The following LPP variants were observed in gnomAD, a reference collection of about 807,000 sequenced individuals.
LPP encodes the protein LIM domain containing preferred translocation partner in lipoma.
A neutral mutation model predicts 60.4 loss-of-function variants in LPP; 38 were observed. The ratio of observed to expected loss-of-function variants is 0.63; its 90% CI spans 0.49 to 0.83. The LOEUF is 0.83. LPP is among the 40% of genes least tolerant of loss of function. The pLI is 0.00. For missense variants in LPP, 902 were observed against 783.6 expected (o/e 1.15, Z -1.80); for synonymous variants, 328 against 290.8 (o/e 1.13, Z -1.30).
intron 2 of LPP, among the ~76,000 whole-genome samples, chr3:188,257,077 C>A (rs1731914691): frequency 6.6e-6 from 1 of 152,140 alleles, no homozygotes; most frequent in Admixed American, 6.6e-5. Context: ...CGTGGTGAAG[C>A]CTGATCATGT....
At chr3:188,273,727 C>G (rs1738663644) in intron 2 of LPP, among the ~76,000 whole-genome samples, 1 of 149,690 alleles carries the variant, frequency 6.7e-6, no homozygotes, top group Admixed American at 6.8e-5. Context: ...TCCCTAGTAG[C>G]TGGGGTTACA....
chr3:188,330,518 C>T (rs1383258955), intron 2 of LPP, among the ~76,000 whole-genome samples: 1 of 152,118 alleles, frequency 6.6e-6, no homozygotes, highest in Non-Finnish European at 1.5e-5. Context: ...TCATGTCTTT[C>T]TTTCCTATCC....
intron 8 of LPP, among the ~76,000 whole-genome samples, chr3:188,752,483 A>T (rs949334205): frequency 1.3e-5 from 2 of 152,142 alleles, no homozygotes; most frequent in African/African-American, 4.8e-5. Flanking sequence ...CATGTATTAT[A>T]CTCGAAAATG....
chr3:188,761,470 A>G (rs1050446034), intron 9 of LPP, among the ~76,000 whole-genome samples: 2 of 152,152 alleles, frequency 1.3e-5, no homozygotes, highest in African/African-American at 4.8e-5. Flanking sequence ...ATTTCTTTCC[A>G]AAGGTAGCTT....
At chr3:188,526,067 T>C (rs1458471545) in intron 6 of LPP, among the ~76,000 whole-genome samples, 1 of 152,200 alleles carries the variant, frequency 6.6e-6, no homozygotes, top group African/African-American at 2.4e-5. Flanking sequence ...AGAATTGTAG[T>C]TGCAAACGCT....
At chr3:188,764,666 T>C (rs564109954) in intron 9 of LPP, among the ~76,000 whole-genome samples, 5 of 152,294 alleles carry the variant, frequency 3.3e-5, no homozygotes, top group Non-Finnish European at 5.9e-5. Flanking sequence ...TACTCATAAG[T>C]ATAGTTTTAG....
At chr3:188,726,230 G>T (rs959140189) in intron 8 of LPP, among the ~76,000 whole-genome samples, 3 of 152,110 alleles carry the variant, frequency 2.0e-5, no homozygotes, top group Non-Finnish European at 4.4e-5. Context: ...GGGAATAAGG[G>T]CTGGAACCAA....
chr3:188,770,067 A>G lies in LPP; in HGVS notation c.1410+9785A>G, dbSNP rs539959185. On this transcript the variant is annotated intron_variant, in intron 9 of 11. Coordinates refer to ENST00000617246, the MANE Select transcript of LPP (RefSeq NM_001375462.1). ...TTATACACTTCATTAGGCTGAGTGA[A>G]TTGTTGGCAGTGGTTCAGTAAACTT... is the stretch of plus-strand genomic sequence containing the variant. 2.0e-4 allele frequency among the ~76,000 whole-genome samples: 31 copies of G among 151,882 alleles called. 1 individual carries two copies. In the South Asian group the frequency reaches 6.3e-3, roughly 31 times the overall value.
At chr3:188,779,307 T>C (rs1738843847) in intron 9 of LPP, among the ~76,000 whole-genome samples, 1 of 152,154 alleles carries the variant, frequency 6.6e-6, no homozygotes, top group Non-Finnish European at 1.5e-5. Context: ...GTGGATGCTA[T>C]GGACCATGGA....
intron 4 of LPP, among the ~76,000 whole-genome samples, chr3:188,412,738 G>A (rs563582691): frequency 6.6e-6 from 1 of 152,072 alleles, no homozygotes; most frequent in African/African-American, 2.4e-5. Flanking sequence ...AACCAGCTTT[G>A]TGAATATTGG....
At chr3:188,171,157 T>G (rs1022842591) in intron 1 of LPP, among the ~76,000 whole-genome samples, 2 of 152,200 alleles carry the variant, frequency 1.3e-5, no homozygotes, top group Admixed American at 6.5e-5. Flanking sequence ...GCCTTTTAAC[T>G]AGAAAATGTT....
At chr3:188,546,565 T>G (rs1826708869) in intron 6 of LPP, among the ~76,000 whole-genome samples, 1 of 152,168 alleles carries the variant, frequency 6.6e-6, no homozygotes, top group South Asian at 2.1e-4. Flanking sequence ...GATTTTGCCT[T>G]TAATTTAATA....
At chr3:188,501,773 C>T (rs373151180) in intron 5 of LPP, among the ~76,000 whole-genome samples, 18 of 151,534 alleles carry the variant, frequency 1.2e-4, no homozygotes, top group South Asian at 2.1e-4. Context: ...AAATATTAGC[C>T]GGGCGTGGTG....
At chr3:188,521,669 C>A (rs1818910920) in intron 5 of LPP, among the ~76,000 whole-genome samples, 1 of 152,084 alleles carries the variant, frequency 6.6e-6, no homozygotes, top group South Asian at 2.1e-4. Flanking sequence ...ATAATTATAG[C>A]ACTTTACAAC....
chr3:188,488,020 C>CT (rs5855202), intron 5 of LPP, among the ~76,000 whole-genome samples: 2,322 of 136,354 alleles, frequency 0.017, 25 homozygotes, highest in Non-Finnish European at 0.026. Context: ...AATTAATTTC[C>CT]TTTTTTTTTT....
At chr3:188,769,577 C>T (rs898237988) in intron 9 of LPP, among the ~76,000 whole-genome samples, 2 of 152,170 alleles carry the variant, frequency 1.3e-5, no homozygotes, top group African/African-American at 2.4e-5. Context: ...TAAAGTCCAG[C>T]AGGAACCTTA....
intron 4 of LPP, among the ~76,000 whole-genome samples, chr3:188,412,609 T>C (rs1000630814): frequency 6.6e-6 from 1 of 152,200 alleles, no homozygotes; most frequent in African/African-American, 2.4e-5. Context: ...TTACGAATTT[T>C]AAATGCTTTC....
intron 2 of LPP, among the ~76,000 whole-genome samples, chr3:188,288,255 G>T (rs1037574806): frequency 2.6e-5 from 4 of 152,264 alleles, no homozygotes; most frequent in African/African-American, 2.4e-5. Flanking sequence ...GATTCCACTT[G>T]TGAGCGACAT....
At chr3:188,742,995 G>A (rs963402146) in intron 8 of LPP, among the ~76,000 whole-genome samples, 16 of 152,084 alleles carry the variant, frequency 1.1e-4, no homozygotes, top group Non-Finnish European at 1.9e-4. Context: ...TTCTTTAAAG[G>A]ATGGCAAGAA....
Sources: gnomAD v4.1 joint callset for allele counts (sites outside exome capture counted in the v4.1 genomes callset) on GRCh38, gnomAD v4.1.1 for gene constraint, MANE v1.5 for transcripts, NCBI Gene and HGNC (gene_info 2026-07-23, HGNC 2026-07-21) for gene names.